The following DZANK1 variants were observed in gnomAD, a reference collection of about 807,000 sequenced individuals.
DZANK1 encodes double zinc ribbon and ankyrin repeat-containing protein 1.
A neutral mutation model predicts 94.5 loss-of-function variants in DZANK1; 91 were observed. That is an observed-to-expected ratio of 0.96 (90% confidence interval 0.81 to 1.15). The LOEUF (loss-of-function observed/expected upper bound fraction) is 1.15, where lower values mean the gene tolerates loss of function less well. Ranked by LOEUF, DZANK1 falls within the 50% of genes most tolerant of loss-of-function variation. DZANK1 has a pLI of 0.00. For synonymous variants in DZANK1, 312 were observed against 325.3 expected, an observed-to-expected ratio of 0.96 and a Z score of 0.44; for missense variants, 903 against 916.4, an observed-to-expected ratio of 0.99 and a Z score of 0.19.
At chr20:18,415,406 T>C in exon 11 of DZANK1, 1 of 1,591,712 alleles carries the variant, frequency 6.3e-7, no homozygotes, top group Non-Finnish European at 8.6e-7. Context: ...GGTCCCCCCT[T>C]TCTGAGTGGG....
At chr20:18,427,606 GGTGTGTGT>G (rs11474236) in intron 9 of DZANK1, among the ~76,000 whole-genome samples, 3 of 148,784 alleles carry the variant, frequency 2.0e-5, no homozygotes, top group Admixed American at 6.7e-5. Flanking sequence ...TGTAAGGTTG[GGTGTGTGT>G]GTGTGTGTGT....
chr20:18,462,805 G>T (rs1262740965), intron 2 of DZANK1, among the ~76,000 whole-genome samples: 2 of 151,942 alleles, frequency 1.3e-5, no homozygotes, highest in African/African-American at 4.8e-5. Context: ...GGGCATGGTG[G>T]CACACAACTG....
intron 13 of DZANK1, among the ~76,000 whole-genome samples, chr20:18,398,975 T>C (rs1159371266): frequency 2.0e-5 from 3 of 151,996 alleles, no homozygotes; most frequent in South Asian, 2.1e-4. Flanking sequence ...CTACTAATAA[T>C]ATAAAAATTA....
At chr20:18,453,590 T>A (rs2059181462) in intron 5 of DZANK1, 141 bp downstream of exon 5, 1 of 635,832 alleles carries the variant, frequency 1.6e-6, no homozygotes, top group South Asian at 2.0e-5. Flanking sequence ...GTCATTAAAA[T>A]TCAAAGTACA....
chr20:18,463,760 A>G (rs1269789134), intron 2 of DZANK1, among the ~76,000 whole-genome samples: 1 of 152,204 alleles, frequency 6.6e-6, no homozygotes, highest in Non-Finnish European at 1.5e-5. Flanking sequence ...AAAGGAGAAC[A>G]CAGATAATAA....
chr20:18,453,721 C>T lies in DZANK1; in HGVS notation c.475+10G>A, dbSNP rs200562180. On this transcript the variant is annotated intron_variant, in intron 5 of 20. Coordinates refer to ENST00000262547, the Ensembl canonical transcript of DZANK1. ...ATACAAAACCTTGTCTTTGTTCTGT[C>T]ACATCATACCTGGAAACTTTCTAAG... 1 of 1,590,180 alleles carries T rather than the reference C, an allele frequency of 6.3e-7. No homozygotes were observed. Among genetic ancestry groups the T allele is most frequent in the Admixed American group, 1.7e-5 (1 of 59,692 alleles).
In DZANK1 at chr20:18,414,521, T is replaced by C. The variant is rs778450739; in HGVS notation, c.1078-9A>G. On this transcript the variant is annotated splice_polypyrimidine_tract_variant and intron_variant, in intron 11 of 20. Coordinates refer to ENST00000262547, the Ensembl canonical transcript of DZANK1. The stretch of plus-strand genomic sequence containing the variant: ...CCAGCAGGAATGCCGAGCTAGAGGA[T>C]AGAAAATATCTTGATGAATATTAGA... 6 of 1,590,050 alleles carry C rather than the reference T, an allele frequency of 3.8e-6. No homozygotes were observed. In the South Asian group the frequency reaches 4.5e-5, roughly 12 times the overall value.
At chr20:18,402,056 C>T (rs2148333064) in intron 13 of DZANK1, among the ~76,000 whole-genome samples, 1 of 152,240 alleles carries the variant, frequency 6.6e-6, no homozygotes, top group South Asian at 2.1e-4. Flanking sequence ...CTAAGGACAT[C>T]CAGAGGGCAA....
intron 11 of DZANK1, 35 bp downstream of exon 11, chr20:18,415,292 C>A (rs1204807169): frequency 4.1e-6 from 6 of 1,455,566 alleles, no homozygotes; most frequent in Non-Finnish European, 5.5e-6. Flanking sequence ...TGGTGAGGTG[C>A]TCAGTATACA....
intron 13 of DZANK1, among the ~76,000 whole-genome samples, chr20:18,403,525 T>A (rs137984121): frequency 4.9e-4 from 74 of 152,256 alleles, no homozygotes; most frequent in Admixed American, 1.6e-3. Flanking sequence ...TAAGGCTGCT[T>A]TCAAAACAAT....
At chr20:18,462,963 A>T (rs1011684272) in intron 2 of DZANK1, among the ~76,000 whole-genome samples, 3 of 151,818 alleles carry the variant, frequency 2.0e-5, no homozygotes, top group Non-Finnish European at 4.4e-5. Flanking sequence ...AAAAAAAGAA[A>T]GAAATAAGAG....
chr20:18,443,127 A>G (rs2058762770), intron 8 of DZANK1, among the ~76,000 whole-genome samples: 1 of 152,186 alleles, frequency 6.6e-6, no homozygotes, highest in Middle Eastern at 3.2e-3. Context: ...TAAGATTCCA[A>G]TCTTTTTTAA....
chr20:18,433,746 C>T (rs1392314392), exon 9 of DZANK1: 4 of 1,613,990 alleles, frequency 2.5e-6, no homozygotes. Context: ...CAAGCTTCTG[C>T]ATTCTGCACA....
rs998752710 is a variant in DZANK1 at position 18,434,024 on chromosome 20, T to C, written c.748-259A>G. On this transcript the variant is annotated intron_variant, in intron 8 of 20. Transcript: ENST00000262547. ...ACTCTGATTTGACCACTACACATTA[T>C]TTGTATCAAATAACACTATGTACCC... is the stretch of plus-strand genomic sequence containing the variant. The C allele has an allele frequency of 3.3e-5, 13 of 390,430 alleles. 1 individual carries two copies. The highest frequency in any genetic ancestry group is 6.0e-5 in the Non-Finnish European group (13 of 218,232). 24.2% of individuals were successfully genotyped at this position (390,430 alleles called of 1,614,324 possible).
At chr20:18,412,875 T>G (rs1160137355) in intron 12 of DZANK1, 22 bp from the exon 13 acceptor site, 2 of 1,585,268 alleles carry the variant, frequency 1.3e-6, no homozygotes, top group Admixed American at 3.5e-5. Context: ...GCAGAAGACA[T>G]TTTTAAAATT....
At position 18,458,811 on chromosome 20, in the gene DZANK1, T is replaced by C. The variant is rs565864908; in HGVS notation, c.263+1342A>G. Among the ~76,000 whole-genome samples, 183 of 152,314 alleles carry C rather than the reference T, an allele frequency of 1.2e-3. 1 individual carries two copies. Among genetic ancestry groups the C allele is most frequent in the African/African-American group, 4.3e-3 (179 of 41,568 alleles). Reference sequence around the variant, plus strand: ...AGAGGCCTGGCTCATATCCACCTATTCTACCCCCTAAGATCCAGGTTGTTT... The same window carrying C: ...AGAGGCCTGGCTCATATCCACCTATCCTACCCCCTAAGATCCAGGTTGTTT... On this transcript the variant is annotated intron_variant, in intron 3 of 20. Coordinates refer to ENST00000262547, the Ensembl canonical transcript of DZANK1.
chr20:18,410,967 GA>G (rs1198998563), intron 13 of DZANK1, among the ~76,000 whole-genome samples: 1 of 152,060 alleles, frequency 6.6e-6, no homozygotes, highest in Non-Finnish European at 1.5e-5. Context: ...AAGAAAGAAA[GA>G]AAATGAAGGT....
exon 5 of DZANK1, chr20:18,453,804 T>C (rs2059190035): frequency 1.2e-6 from 2 of 1,606,460 alleles, no homozygotes; most frequent in East Asian, 2.2e-5. Context: ...TTAGTTTTGA[T>C]CCAACAAATC....
chr20:18,453,708 G>T lies in DZANK1; in HGVS notation c.475+23C>A, dbSNP rs149813698. On this transcript the variant is annotated intron_variant, in intron 5 of 20. Transcript: ENST00000262547. ...CGGTGGGTTCAGAATACAAAACCTT[G>T]TCTTTGTTCTGTCACATCATACCTG... 17 of 1,548,896 alleles carry T rather than the reference G, an allele frequency of 1.1e-5. No individual in the cohort carries two copies. The East Asian group carries it at 3.6e-4, about 33-fold the overall frequency.
Sources: allele counts gnomAD v4.1 joint callset (sites outside exome capture counted in the v4.1 genomes callset), GRCh38; gene constraint gnomAD v4.1.1; transcripts MANE v1.5; gene names NCBI Gene and HGNC (gene_info 2026-07-23, HGNC 2026-07-21).